The following RGS7BP variants were observed in gnomAD, a reference collection of about 807,000 sequenced individuals.
RGS7BP encodes the protein regulator of G protein signaling 7-binding protein.
In RGS7BP, 9 loss-of-function variants were observed where a neutral mutation model predicts 31.3. The observed-to-expected ratio is 0.29, with a 90% confidence interval of 0.17 to 0.50. The LOEUF (loss-of-function observed/expected upper bound fraction) is 0.50, where lower values mean the gene tolerates loss of function less well. Among genes scored for constraint, RGS7BP ranks in the 20% least tolerant of loss-of-function variants. The pLI is 0.98. For synonymous variants in RGS7BP, 115 were observed against 120.1 expected (o/e 0.96, Z 0.28); for missense variants, 274 against 322.0 (o/e 0.85, Z 1.14).
chr5:64,518,648 G>A (rs191645225), intron 2 of RGS7BP, among the ~76,000 whole-genome samples: 23 of 152,204 alleles, frequency 1.5e-4, no homozygotes, highest in Admixed American at 9.2e-4. Context: ...CTGCATTATC[G>A]GTTTGGAATT....
chr5:64,594,073 T>C (rs1438497195), intron 3 of RGS7BP, among the ~76,000 whole-genome samples: 3 of 152,196 alleles, frequency 2.0e-5, no homozygotes, highest in Admixed American at 6.6e-5. Flanking sequence ...AGTGCATTGC[T>C]GTGGACGGCT....
chr5:64,571,432 T>A (rs558864725), intron 2 of RGS7BP, among the ~76,000 whole-genome samples: 2 of 152,156 alleles, frequency 1.3e-5, no homozygotes, highest in East Asian at 3.9e-4. Context: ...CTTGGCCAAA[T>A]ACCTAGAAAT....
intron 2 of RGS7BP, among the ~76,000 whole-genome samples, chr5:64,544,915 G>A (rs754018817): frequency 6.6e-6 from 1 of 152,156 alleles, no homozygotes; most frequent in Non-Finnish European, 1.5e-5. Context: ...GGTGGCTCAT[G>A]CCTGTAATCC....
intron 2 of RGS7BP, among the ~76,000 whole-genome samples, chr5:64,569,648 C>T (rs1007070168): frequency 3.3e-5 from 5 of 152,106 alleles, no homozygotes; most frequent in Admixed American, 3.3e-4. Context: ...TGTATGGGAC[C>T]ACCTTAAGAA....
chr5:64,523,986 T>G (rs943532803), intron 2 of RGS7BP, among the ~76,000 whole-genome samples: 2 of 152,188 alleles, frequency 1.3e-5, no homozygotes, highest in African/African-American at 4.8e-5. Context: ...GAGGTCCACA[T>G]GCATGCTAAA....
At chr5:64,557,679 G>A (rs1741960647) in intron 2 of RGS7BP, among the ~76,000 whole-genome samples, 1 of 152,118 alleles carries the variant, frequency 6.6e-6, no homozygotes, top group Admixed American at 6.6e-5. Context: ...ACCACTGTAA[G>A]TGATGTATTT....
chr5:64,541,962 C>T (rs1029054109), intron 2 of RGS7BP, among the ~76,000 whole-genome samples: 17 of 147,370 alleles, frequency 1.2e-4, no homozygotes, highest in African/African-American at 2.8e-4. Context: ...GTTTTTTTTA[C>T]GATTTTTCCA....
chr5:64,530,370 T>C (rs1346599294), intron 2 of RGS7BP, among the ~76,000 whole-genome samples: 4 of 152,234 alleles, frequency 2.6e-5, no homozygotes, highest in Non-Finnish European at 4.4e-5. Flanking sequence ...AGAGATATTA[T>C]TGGCCTAGAA....
At chr5:64,566,898 G>T (rs944540726) in intron 2 of RGS7BP, among the ~76,000 whole-genome samples, 1 of 152,008 alleles carries the variant, frequency 6.6e-6, no homozygotes, top group Non-Finnish European at 1.5e-5. Flanking sequence ...TGTGGTCCAT[G>T]TTTGGGGGCC....
At chr5:64,589,410 C>A (rs562655742) in intron 3 of RGS7BP, among the ~76,000 whole-genome samples, 1 of 152,062 alleles carries the variant, frequency 6.6e-6, no homozygotes, top group African/African-American at 2.4e-5. Flanking sequence ...ATGAATAAGA[C>A]AAACTGACTC....
chr5:64,550,453 A>C (rs1741764466), intron 2 of RGS7BP, among the ~76,000 whole-genome samples: 1 of 152,048 alleles, frequency 6.6e-6, no homozygotes, highest in East Asian at 1.9e-4. Context: ...TCTAACCCTC[A>C]TCTAAATACC....
At chr5:64,546,901 C>T (rs1400348853) in intron 2 of RGS7BP, among the ~76,000 whole-genome samples, 1 of 152,138 alleles carries the variant, frequency 6.6e-6, no homozygotes, top group Non-Finnish European at 1.5e-5. Context: ...TTCCAGCACC[C>T]CAGAAGGTTC....
At chr5:64,608,407 C>G (rs1743418473) in intron 5 of RGS7BP, among the ~76,000 whole-genome samples, 1 of 151,994 alleles carries the variant, frequency 6.6e-6, no homozygotes, top group Non-Finnish European at 1.5e-5. Context: ...AATTCAACAG[C>G]TGGCAGTCTT....
intron 2 of RGS7BP, among the ~76,000 whole-genome samples, chr5:64,536,912 G>C (rs1271300234): frequency 6.6e-6 from 1 of 152,184 alleles, no homozygotes. Flanking sequence ...ATTTGGTGTG[G>C]CCAAGGTAAC....
intron 3 of RGS7BP, among the ~76,000 whole-genome samples, chr5:64,593,199 G>A (rs187509199): frequency 1.3e-5 from 2 of 152,236 alleles, no homozygotes; most frequent in Non-Finnish European, 2.9e-5. Context: ...TCCACTATAG[G>A]TTCCACTATA....
Position 64,506,437 on chromosome 5 carries a change from A to C in RGS7BP, c.-188A>C. The C allele has an allele frequency of 2.1e-6, 1 of 473,888 alleles. No homozygotes were observed. The highest frequency in any genetic ancestry group is 3.7e-6 in the Non-Finnish European group (1 of 268,696). 29.4% of individuals were successfully genotyped at this position (473,888 alleles called of 1,614,324 possible). ...GCTAGTGGAAGCGATGCTGCACGGC[A>C]CAGCTAGCGCTTCCCCGGCTCTCCT... On this transcript the variant is annotated 5_prime_UTR_variant, in exon 1 of 6. Coordinates refer to ENST00000334025, the MANE Select transcript of RGS7BP (RefSeq NM_001029875.3). The surrounding 1 kb of genome is among the most constrained non-coding windows in gnomAD (Gnocchi z 4.6).
chr5:64,579,452 T>G (rs1474537873), intron 3 of RGS7BP, among the ~76,000 whole-genome samples: 1 of 139,136 alleles, frequency 7.2e-6, no homozygotes, highest in East Asian at 2.1e-4. Flanking sequence ...ACTGAAGCAG[T>G]AGCATCACTT....
In RGS7BP at chr5:64,611,932, T is replaced by C. The variant is rs1485846125; in HGVS notation, c.*2680T>C. 1 of 151,968 alleles carries C rather than the reference T, an allele frequency of 6.6e-6. No individual in the cohort carries two copies. The highest frequency in any genetic ancestry group is 2.4e-5 in the African/African-American group (1 of 41,378). The allele number at this position is 151,968 out of a possible 1,614,324, so 9.4% of individuals were successfully genotyped here. A position where few individuals can be genotyped will look rare whatever the true frequency, so the allele number is the denominator to read the frequency against. ...TCCTGCTGGTAATTCGCTTTCAGAT[T>C]AGCAATAACACTGAGCTGATCTCTA... On this transcript the variant is annotated 3_prime_UTR_variant, in exon 6 of 6. Coordinates refer to ENST00000334025, the MANE Select transcript of RGS7BP (RefSeq NM_001029875.3).
chr5:64,537,298 T>G (rs2111798534), intron 2 of RGS7BP, among the ~76,000 whole-genome samples: 1 of 152,296 alleles, frequency 6.6e-6, no homozygotes, highest in East Asian at 1.9e-4. Flanking sequence ...TCTCATAATG[T>G]TTTAAGAAAG....
Sources: allele counts gnomAD v4.1 joint callset (sites outside exome capture counted in the v4.1 genomes callset), GRCh38; gene constraint gnomAD v4.1.1; non-coding constraint Gnocchi (gnomAD v3.1); transcripts MANE v1.5; gene names NCBI Gene and HGNC (gene_info 2026-07-23, HGNC 2026-07-21).